Variants in DPEP3 observed in about 807,000 individuals in gnomAD.
DPEP3 encodes dipeptidase 3, also known as membrane-bound dipeptidase 3.
Under a neutral mutation model 47.5 loss-of-function variants are expected in DPEP3, and 42 were observed. The observed-to-expected ratio is 0.88, with a 90% CI of 0.69 to 1.14. The LOEUF (loss-of-function observed/expected upper bound fraction) is 1.14, where lower values mean the gene tolerates loss of function less well. Ranked by LOEUF, DPEP3 falls within the 50% of genes most tolerant of loss-of-function variation. DPEP3 has a pLI of 0.00. For missense variants in DPEP3, 560 were observed against 635.0 expected (o/e 0.88, Z 1.27); for synonymous variants, 276 against 270.2 (o/e 1.02, Z -0.21).
In DPEP3 at chr16:67,980,092, A is replaced by G. The variant is rs545725363; in HGVS notation, c.287+2T>C. Reference sequence around the variant, plus strand: ...CGTTGCCCAAACGCTGCACCTACATACCCGTCCACGAGTGGGAAACTCCGC... The same window carrying G: ...CGTTGCCCAAACGCTGCACCTACATGCCCGTCCACGAGTGGGAAACTCCGC... On this transcript the variant is annotated splice_donor_variant, in intron 1 of 9. Transcript: ENST00000268793. LOFTEE classifies it high-confidence loss of function. 1 of 1,607,986 alleles carries G rather than the reference A, an allele frequency of 6.2e-7. No individual in the cohort carries two copies. The highest frequency in any genetic ancestry group is 1.1e-5 in the South Asian group (1 of 90,188).
rs1172981635 is a variant in DPEP3 at position 67,979,778 on chromosome 16, A to C, written c.288-13T>G. On this transcript the variant is annotated splice_polypyrimidine_tract_variant and intron_variant, in intron 1 of 9. Coordinates refer to ENST00000268793, the MANE Select transcript of DPEP3 (RefSeq NM_001370198.1). ...CAGGTCATTGTGGCTGGGGGTGTGA[A>C]GGTCAGATGGAAACACCGCCTCCAG... 6.2e-7 allele frequency: 1 copy of C among 1,613,436 alleles called. No homozygotes were observed. Among genetic ancestry groups the C allele is most frequent in the East Asian group, 2.2e-5 (1 of 44,868 alleles).
At chr16:67,976,858 G>A (rs1309273657) in intron 7 of DPEP3, 83 bp from the exon 8 acceptor site, 3 of 1,222,364 alleles carry the variant, frequency 2.5e-6, no homozygotes, top group Non-Finnish European at 3.6e-6. Context: ...GGCTGTGGCA[G>A]TTGGCTCCAC....
chr16:67,976,335 T>C, intron 8 of DPEP3, 107 bp from the exon 9 acceptor site: 4 of 1,478,216 alleles, frequency 2.7e-6, no homozygotes, highest in Non-Finnish European at 3.6e-6. Flanking sequence ...GGCCAAGTTC[T>C]TCAGGCTAGT....
rs745492523 is a variant in DPEP3, at chr16:67,977,966, T to C, written c.728A>G (p.Asn243Ser). 5.0e-6 allele frequency: 8 copies of C among 1,613,898 alleles called. No homozygotes were observed. The highest frequency in any genetic ancestry group is 1.7e-5 in the Admixed American group (1 of 60,004). Residue 243 changes from asparagine (N) to serine (S), a missense_variant, in exon 5 of 10, where the codon AAC (asparagine) becomes AGC (serine). By Grantham distance (46) the Asn-to-Ser change is conservative (BLOSUM62 1). Coordinates refer to ENST00000268793, the MANE Select transcript of DPEP3 (RefSeq NM_001370198.1). ...ACCAAAGCTTGTCAATCCGCTGACGTTGGTGTACATGTGGTGTCTGAACTT... is the reference window on the plus strand; with the variant it reads ...ACCAAAGCTTGTCAATCCGCTGACGCTGGTGTACATGTGGTGTCTGAACTT... ...STKFRHHMYT[N>S]VSGLTSFGEK... is the part of the protein sequence containing the mutation.
At chr16:67,979,528 C>A in intron 2 of DPEP3, 111 bp downstream of exon 2, 1 of 1,487,740 alleles carries the variant, frequency 6.7e-7, no homozygotes. Context: ...CATGATGGCA[C>A]ACTGCATGCC....
chr16:67,976,948 C>T (rs538978066), intron 7 of DPEP3, among the ~76,000 whole-genome samples, 173 bp from the exon 8 acceptor site: 2 of 152,280 alleles, frequency 1.3e-5, no homozygotes, highest in African/African-American at 2.4e-5. Flanking sequence ...TTGGAGCCAC[C>T]CCTTTGGGAC....
At chr16:67,977,439 C>G in intron 6 of DPEP3, 85 bp from the exon 7 acceptor site, 2 of 1,423,198 alleles carry the variant, frequency 1.4e-6, no homozygotes, top group East Asian at 4.8e-5. Context: ...TAGGACTGTG[C>G]TCCATCCTGG....
Position 67,980,158 on chromosome 16 carries a change from G to A in DPEP3, c.223C>T (p.Pro75Ser). 1.2e-6 allele frequency: 2 copies of A among 1,612,730 alleles called. No individual in the cohort carries two copies. Among genetic ancestry groups the A allele is most frequent in the South Asian group, 1.1e-5 (1 of 90,894 alleles). Reference sequence around the variant, plus strand: ...CGACCCCGAAGGTCCAGGGTTTTGGGGGTGCCTGGCGTAGTGAGGCCTGGG... The same window carrying A: ...CGACCCCGAAGGTCCAGGGTTTTGGAGGTGCCTGGCGTAGTGAGGCCTGGG... Reference protein sequence around the residue: ...TTPGLTTPGTPKTLDLRGRAQ... With the variant: ...TTPGLTTPGTSKTLDLRGRAQ... The change falls in exon 1 of 10, where the codon CCC becomes TCC. Residue 75 changes from proline (P) to serine (S), a missense_variant. By Grantham distance (74) the Pro-to-Ser change is moderately conservative. Coordinates refer to ENST00000268793, the MANE Select transcript of DPEP3 (RefSeq NM_001370198.1).
At chr16:67,977,188 G>A (rs1001148203) in intron 7 of DPEP3, 82 bp downstream of exon 7, 5 of 1,280,288 alleles carry the variant, frequency 3.9e-6, no homozygotes, top group African/African-American at 2.9e-5. Context: ...CCCAACAGGT[G>A]CACTAGACTG....
chr16:67,976,143 G>A lies in DPEP3; in HGVS notation c.1180C>T (p.Gln394Ter). 1 of 1,614,178 alleles carries A rather than the reference G, an allele frequency of 6.2e-7. No homozygotes were observed. The highest frequency in any genetic ancestry group is 8.5e-7 in the Non-Finnish European group (1 of 1,180,038). The change falls in exon 9 of 10, where the codon CAA becomes TAA. Residue 394 changes from glutamine to a stop codon, truncating the protein, a stop_gained. Transcript: ENST00000268793. LOFTEE classifies it high-confidence loss of function. ...LSRSWSEEELQGVLRGNLLRV... is the reference protein window; with the variant it reads ...LSRSWSEEEL ...AGCAGGTTTCCACGAAGGACACCTT[G>A]AAGCTCTTCCTCGCTCCAGCTACGA...
At chr16:67,976,901 AG>A in intron 7 of DPEP3, 126 bp from the exon 8 acceptor site, 1 of 791,968 alleles carries the variant, frequency 1.3e-6, no homozygotes, top group Non-Finnish European at 2.1e-6. Context: ...TGAGTCCTGA[AG>A]CGGGTACAGG....
rs772825295 is a variant in DPEP3 at position 67,979,721 on chromosome 16, A to C, written c.332T>G (p.Val111Gly). ...ATTTCGCAGGTTAACATCCTGAAGC[A>C]CATTCTTGTAACGCTGTCTCAGGAC... ...PQVLRQRYKN[V>G]LQDVNLRNFS... The change falls in exon 2 of 10, where the codon GTG becomes GGG. Residue 111 changes from valine (V) to glycine (G), a missense_variant. Coordinates refer to ENST00000268793, the MANE Select transcript of DPEP3 (RefSeq NM_001370198.1). 6.2e-7 allele frequency: 1 copy of C among 1,614,108 alleles called. No homozygotes were observed. Among genetic ancestry groups the C allele is most frequent in the Non-Finnish European group, 8.5e-7 (1 of 1,179,984 alleles).
chr16:67,979,656 C>T lies in DPEP3; in HGVS notation c.397G>A (p.Gly133Ser), dbSNP rs7189697. 2.4e-4 allele frequency: 393 copies of T among 1,614,002 alleles called. 2 individuals carry two copies. In the African/African-American group the frequency reaches 2.9e-3, roughly 12 times the overall value. The change falls in exon 2 of 10, where the codon GGC becomes AGC. Residue 133 changes from glycine (G) to serine (S), a missense_variant. Transcript: ENST00000268793. ...GQTSLDRLRD[G>S]LVGAQFWSAS... ...TGTGGTACCTGGGCACCCACGAGGC[C>T]GTCTCTAAGCCTGTCCAGGCTGGTC... is the stretch of plus-strand genomic sequence containing the variant.
Position 67,975,993 on chromosome 16 carries a change from C to T in DPEP3, c.1239G>A (p.Glu413=). 6.2e-7 allele frequency: 1 copy of T among 1,613,858 alleles called. No individual in the cohort carries two copies. The highest frequency in any genetic ancestry group is 2.2e-5 in the East Asian group (1 of 44,884). Residue 413 remains glutamate (E), a synonymous_variant, in exon 10 of 10, where the codon GAG becomes GAA. Coordinates refer to ENST00000268793, the MANE Select transcript of DPEP3 (RefSeq NM_001370198.1). ...CCACGGGGCTCTGCGCCCTGCTCTCCTCTCTCACCTGGGGGAGGAAGTCCG... is the reference window on the plus strand; with the variant it reads ...CCACGGGGCTCTGCGCCCTGCTCTCTTCTCTCACCTGGGGGAGGAAGTCCG... ...RVFRQVEKVR[E]ESRAQSPVEA...
rs775347955 is a variant in DPEP3, at chr16:67,977,330, C to T, written c.958G>A (p.Val320Met). The T allele has an allele frequency of 5.0e-6, 8 of 1,613,806 alleles. No individual in the cohort carries two copies. The South Asian group carries it at 6.6e-5, about 13-fold the overall frequency. Residue 320 changes from valine (V) to methionine (M), a missense_variant, in exon 7 of 10, where the codon GTG becomes ATG. Transcript: ENST00000268793. ...LLKKNGGIVM[V>M]TLSMGVLQCN... ...TGCAGCACCCCCATGGACAGTGTCACCATCACGATGCCACCGTTCTTCTTC... is the reference window on the plus strand; with the variant it reads ...TGCAGCACCCCCATGGACAGTGTCATCATCACGATGCCACCGTTCTTCTTC...
rs765491890 is a variant in DPEP3, at chr16:67,976,115, C to T, written c.1208G>A (p.Arg403Gln). 1.3e-5 allele frequency: 21 copies of T among 1,614,050 alleles called. No individual in the cohort carries two copies. Among genetic ancestry groups the T allele is most frequent in the Admixed American group, 5.0e-5 (3 of 59,992 alleles). The change falls in exon 9 of 10, where the codon CGG becomes CAG. Residue 403 changes from arginine to glutamine, a missense_variant. By Grantham distance (43) the Arg-to-Gln change is conservative. Transcript: ENST00000268793. ...TACCTTTTCCACTTGTCTGAAGACC[C>T]GCAGCAGGTTTCCACGAAGGACACC... ...LQGVLRGNLL[R>Q]VFRQVEKVRE...
In DPEP3 at chr16:67,979,683, G is replaced by T. The variant is rs749174219; in HGVS notation, c.370C>A (p.Gln124Lys). 9.9e-6 allele frequency: 16 copies of T among 1,614,024 alleles called. No homozygotes were observed. Among genetic ancestry groups the T allele is most frequent in the African/African-American group, 9.3e-5 (7 of 74,942 alleles). Residue 124 changes from glutamine to lysine, a missense_variant, in exon 2 of 10, where the codon CAG (glutamine) becomes AAG (lysine). Gln to Lys is a moderately conservative substitution (Grantham distance 53). Coordinates refer to ENST00000268793, the MANE Select transcript of DPEP3 (RefSeq NM_001370198.1). ...TCTCTAAGCCTGTCCAGGCTGGTCT[G>T]ACCATGGCTGAAATTTCGCAGGTTA... The part of the protein sequence containing the change: ...DVNLRNFSHG[Q>K]TSLDRLRDGL...
chr16:67,980,348 C>T lies in DPEP3; in HGVS notation c.33G>A (p.Ala11=). 1 of 1,547,668 alleles carries T rather than the reference C, an allele frequency of 6.5e-7. No individual in the cohort carries two copies. The change falls in exon 1 of 10, where the codon GCG becomes GCA. Residue 11 remains alanine, a synonymous_variant. Coordinates refer to ENST00000268793, the MANE Select transcript of DPEP3 (RefSeq NM_001370198.1). Reference sequence around the variant, plus strand: ...GACGCCGCAGATACCGCCGGCTGAGCGCGCGGGAACCCTCGCGGCCCGTGG... The same window carrying T: ...GACGCCGCAGATACCGCCGGCTGAGTGCGCGGGAACCCTCGCGGCCCGTGG... MQPTGREGSR[A]LSRRYLRRLL...
rs756038102 is a variant in DPEP3, at chr16:67,976,137, C to G, written c.1186G>C (p.Val396Leu). 3.1e-6 allele frequency: 5 copies of G among 1,614,224 alleles called. No homozygotes were observed. The highest frequency in any genetic ancestry group is 3.4e-6 in the Non-Finnish European group (4 of 1,180,048). Residue 396 changes from valine (V) to leucine (L), a missense_variant, in exon 9 of 10, where the codon GTC becomes CTC. Transcript: ENST00000268793. ...ACCCGCAGCAGGTTTCCACGAAGGACACCTTGAAGCTCTTCCTCGCTCCAG... is the reference window on the plus strand; with the variant it reads ...ACCCGCAGCAGGTTTCCACGAAGGAGACCTTGAAGCTCTTCCTCGCTCCAG... ...RSWSEEELQGVLRGNLLRVFR... is the reference protein window; with the variant it reads ...RSWSEEELQGLLRGNLLRVFR...
Sources: allele counts gnomAD v4.1 joint callset (sites outside exome capture counted in the v4.1 genomes callset), GRCh38; gene constraint gnomAD v4.1.1; transcripts MANE v1.5; gene names NCBI Gene and HGNC (gene_info 2026-07-23, HGNC 2026-07-21).